Variants in CTCF observed in about 807,000 individuals in gnomAD.
CTCF encodes transcriptional repressor CTCF.
Under a neutral mutation model 72.3 loss-of-function variants are expected in CTCF, and 7 were observed. The observed-to-expected ratio is 0.10, with a 90% confidence interval of 0.06 to 0.18. The LOEUF (loss-of-function observed/expected upper bound fraction) is 0.18, where lower values mean the gene tolerates loss of function less well. Ranked by LOEUF, CTCF falls within the 10% of genes least tolerant of loss-of-function variation. CTCF has a pLI of 1.00. For synonymous variants in CTCF, 374 were observed against 315.8 expected (o/e 1.18, Z -1.95); for missense variants, 516 against 949.1 (o/e 0.54, Z 6.00).
At chr16:67,572,552 A>G (rs900037940) in intron 2 of CTCF, 5 of 152,174 alleles carry the variant, frequency 3.3e-5, no homozygotes, top group African/African-American at 9.6e-5. Context: ...TCTTCCTAGA[A>G]CTTCAGTTAT....
In CTCF at chr16:67,611,584, C is replaced by A; in HGVS notation, c.752C>A (p.Pro251His). Residue 251 changes from proline to histidine, a missense_variant, in exon 3 of 12, where the codon CCT (proline) becomes CAT (histidine). Around this residue, in one of 7 missense-constraint regions of CTCF, gnomAD observed 70 missense variants for 290.1 expected, o/e 0.24. Coordinates refer to ENST00000264010, the MANE Select transcript of CTCF (RefSeq NM_006565.4). ...GAGAAAGTGGTTGGTAATATGAAGC[C>A]TCCAAAGCCAACAAAAATTAAAAAG... ...NAEKVVGNMKPPKPTKIKKKG... is the reference protein window; with the variant it reads ...NAEKVVGNMKHPKPTKIKKKG... The A allele has an allele frequency of 6.2e-7, 1 of 1,608,748 alleles. No homozygotes were observed.
In CTCF at chr16:67,628,564, A is replaced by T; in HGVS notation, c.1701+12A>T. 1 of 1,612,036 alleles carries T rather than the reference A, an allele frequency of 6.2e-7. No homozygotes were observed. Among genetic ancestry groups the T allele is most frequent in the Non-Finnish European group, 8.5e-7 (1 of 1,178,238 alleles). On this transcript the variant is annotated intron_variant, in intron 9 of 11. Transcript: ENST00000264010. The stretch of plus-strand genomic sequence containing the variant: ...CATTTACACGTCGGGTAAGGGTCAG[A>T]ACTTCACTTTGCCTGTTATGATACT...
chr16:67,581,328 CT>C (rs35180089), intron 2 of CTCF, among the ~76,000 whole-genome samples: 257 of 139,740 alleles, frequency 1.8e-3, no homozygotes, highest in Admixed American at 2.2e-3. Context: ...TGATCTTTTT[CT>C]TTTTTTTTTT....
chr16:67,619,637 G>C (rs2052176723), intron 5 of CTCF, among the ~76,000 whole-genome samples: 1 of 152,158 alleles, frequency 6.6e-6, no homozygotes, highest in Admixed American at 6.6e-5. Context: ...CTGGACTGCA[G>C]TGGCGTGATC....
intron 3 of CTCF, 45 bp downstream of exon 3, chr16:67,611,658 A>C (rs760445935): frequency 6.4e-7 from 1 of 1,551,222 alleles, no homozygotes; most frequent in South Asian, 1.2e-5. Flanking sequence ...CCATTTTGGG[A>C]TAAGCATACA....
intron 2 of CTCF, among the ~76,000 whole-genome samples, chr16:67,602,238 C>T (rs1361369265): frequency 6.6e-6 from 1 of 152,114 alleles, no homozygotes; most frequent in Non-Finnish European, 1.5e-5. Context: ...TTTCCGTTGT[C>T]TTCAAGTTGT....
At chr16:67,603,560 C>G (rs1424523122) in intron 2 of CTCF, among the ~76,000 whole-genome samples, 2 of 150,464 alleles carry the variant, frequency 1.3e-5, no homozygotes, top group Admixed American at 1.3e-4. Flanking sequence ...TGTGGTGGCT[C>G]ACACCTGTAA....
chr16:67,586,933 A>G (rs973799313), intron 2 of CTCF, among the ~76,000 whole-genome samples: 1 of 151,812 alleles, frequency 6.6e-6, no homozygotes, highest in Admixed American at 6.6e-5. Context: ...AGCTGGGACT[A>G]CAGGCCCGCA....
At chr16:67,616,309 A>G (rs1382246192) in intron 4 of CTCF, 1 of 159,926 alleles carries the variant, frequency 6.3e-6, no homozygotes, top group African/African-American at 2.4e-5. Flanking sequence ...CTATATTTAT[A>G]GTCATAATAC....
intron 2 of CTCF, among the ~76,000 whole-genome samples, chr16:67,582,117 G>T (rs753307862): frequency 6.6e-6 from 1 of 151,992 alleles, no homozygotes; most frequent in Non-Finnish European, 1.5e-5. Flanking sequence ...CTACTGGGGA[G>T]GCTGAGGCAG....
chr16:67,578,977 G>A (rs1049743317), intron 2 of CTCF, among the ~76,000 whole-genome samples: 2 of 148,776 alleles, frequency 1.3e-5, no homozygotes, highest in Non-Finnish European at 3.0e-5. Flanking sequence ...ATAAAAGGCC[G>A]GGCGTGGTGG....
chr16:67,625,893 A>C (rs1259818003), intron 7 of CTCF, among the ~76,000 whole-genome samples: 2 of 146,666 alleles, frequency 1.4e-5, no homozygotes, highest in African/African-American at 5.1e-5. Flanking sequence ...AATGACCCCA[A>C]CAGCTACCTG....
intron 2 of CTCF, among the ~76,000 whole-genome samples, chr16:67,585,424 A>G (rs564073958): frequency 5.1e-4 from 77 of 152,364 alleles, no homozygotes; most frequent in African/African-American, 1.6e-3. Context: ...GTTTGCCCAC[A>G]TGTGCAATGA....
intron 2 of CTCF, among the ~76,000 whole-genome samples, chr16:67,586,410 G>A (rs552044185): frequency 2.0e-4 from 30 of 152,044 alleles, no homozygotes; most frequent in Admixed American, 3.9e-4. Context: ...GGTGGCAGGC[G>A]CCTGTAATCC....
intron 2 of CTCF, among the ~76,000 whole-genome samples, chr16:67,607,166 A>C (rs964862707): frequency 6.6e-6 from 1 of 152,002 alleles, no homozygotes; most frequent in Non-Finnish European, 1.5e-5. Context: ...CGTGTTGGCC[A>C]GGCTTGTCTC....
chr16:67,565,756 G>C lies in CTCF; in HGVS notation c.-127+3032G>C, dbSNP rs182964964. 1.5e-3 allele frequency among the ~76,000 whole-genome samples: 223 copies of C among 151,968 alleles called. 1 individual carries two copies. The highest frequency in any genetic ancestry group is 5.1e-3 in the African/African-American group (212 of 41,398). ...CAACCTATGTAAGAATTTAAGAGGT[G>C]AAGTTGTCCTTAAGATGCATTCAAA... On this transcript the variant is annotated intron_variant, in intron 1 of 11. Transcript: ENST00000264010.
chr16:67,629,838 G>A (rs1300913174), intron 10 of CTCF, among the ~76,000 whole-genome samples: 5 of 121,568 alleles, frequency 4.1e-5, no homozygotes, highest in East Asian at 2.6e-4. Flanking sequence ...GCACTGGCGC[G>A]ATCTCGGCTC....
chr16:67,574,184 C>T (rs779929761), intron 2 of CTCF, among the ~76,000 whole-genome samples: 1 of 152,144 alleles, frequency 6.6e-6, no homozygotes, highest in Non-Finnish European at 1.5e-5. Context: ...ACCACCTGTC[C>T]TTCCTACCAG....
chr16:67,582,249 T>C (rs947441356), intron 2 of CTCF, among the ~76,000 whole-genome samples: 1 of 151,914 alleles, frequency 6.6e-6, no homozygotes, highest in Admixed American at 6.6e-5. Flanking sequence ...TTCAAATTAG[T>C]AGGAACTTTG....
Sources: allele counts gnomAD v4.1 joint callset (sites outside exome capture counted in the v4.1 genomes callset), GRCh38; gene constraint gnomAD v4.1.1; regional missense constraint gnomAD v4.1.1; transcripts MANE v1.5; gene names NCBI Gene and HGNC (gene_info 2026-07-23, HGNC 2026-07-21).